Variants in PRELID2 observed in about 807,000 individuals in gnomAD.
PRELID2 encodes the protein PRELI domain containing 2, also known as PRELI domain-containing protein 2.
A neutral mutation model predicts 28.4 loss-of-function variants in PRELID2; 25 were observed. That is an observed-to-expected ratio of 0.88 (90% CI 0.64 to 1.23). The LOEUF is 1.23. Among genes scored for constraint, PRELID2 ranks in the 50% most tolerant of loss-of-function variants. The pLI is 0.00. For synonymous variants in PRELID2, 76 were observed against 71.6 expected (o/e 1.06, Z -0.31); for missense variants, 201 against 214.4 (o/e 0.94, Z 0.39).
intron 1 of PRELID2, among the ~76,000 whole-genome samples, chr5:145,719,124 C>G (rs1468219346): frequency 1.3e-5 from 2 of 151,854 alleles, no homozygotes; most frequent in Non-Finnish European, 2.9e-5. Context: ...GAGACACAAA[C>G]CTTCAGGATA....
chr5:145,676,522 G>T (rs1348881011), intron 1 of PRELID2, among the ~76,000 whole-genome samples: 1 of 152,214 alleles, frequency 6.6e-6, no homozygotes, highest in East Asian at 1.9e-4. Context: ...CTGGGCAACA[G>T]AGGGAGACTC....
At chr5:145,817,220 A>AAAT (rs1554099385) in intron 4 of PRELID2, among the ~76,000 whole-genome samples, 1 of 66,512 alleles carries the variant, frequency 1.5e-5, no homozygotes, top group African/African-American at 4.1e-5. Flanking sequence ...AATAAAAAAA[A>AAAT]ATATATATAT....
At chr5:145,308,599 T>C in the PRELID2 span, among the ~76,000 whole-genome samples, 2 of 152,040 alleles carry the variant, frequency 1.3e-5, no homozygotes, top group African/African-American at 4.8e-5. Flanking sequence ...GTGCAGATAT[T>C]TTTAATTTAG....
At chr5:145,362,527 A>G in the PRELID2 span, among the ~76,000 whole-genome samples, 1 of 152,128 alleles carries the variant, frequency 6.6e-6, no homozygotes, top group South Asian at 2.1e-4. Flanking sequence ...TTGCTAGATC[A>G]TGGCCCAGAA....
At chr5:145,817,198 A>AAAAAAAAAAAT (rs1365517052) in intron 4 of PRELID2, among the ~76,000 whole-genome samples, 3 of 70,082 alleles carry the variant, frequency 4.3e-5, no homozygotes, top group African/African-American at 1.3e-4. Flanking sequence ...TTCAAAAAAA[A>AAAAAAAAAAAT]ATAAATAAAT....
chr5:145,539,521 C>T (rs1210477564), intron 1 of PRELID2, among the ~76,000 whole-genome samples: 1 of 151,908 alleles, frequency 6.6e-6, no homozygotes, highest in Non-Finnish European at 1.5e-5. Flanking sequence ...TACACTATCT[C>T]ACCCTGTTTT....
the PRELID2 span, among the ~76,000 whole-genome samples, chr5:145,397,259 A>G: frequency 6.6e-6 from 1 of 152,148 alleles, no homozygotes; most frequent in Non-Finnish European, 1.5e-5. Context: ...CAGACATTTC[A>G]GGTAGAATTA....
At chr5:145,669,346 C>T (rs1445949386) in intron 1 of PRELID2, among the ~76,000 whole-genome samples, 2 of 152,020 alleles carry the variant, frequency 1.3e-5, no homozygotes, top group Admixed American at 1.3e-4. Flanking sequence ...AGTAGGTGTT[C>T]TTAATTAGTG....
chr5:145,616,350 T>C (rs1015978871), intron 1 of PRELID2, among the ~76,000 whole-genome samples: 4 of 152,298 alleles, frequency 2.6e-5, no homozygotes, highest in African/African-American at 4.8e-5. Context: ...AACTTTTAGA[T>C]TGCTCTTCTG....
the PRELID2 span, among the ~76,000 whole-genome samples, chr5:145,268,581 G>A: frequency 6.6e-6 from 1 of 152,056 alleles, no homozygotes; most frequent in Non-Finnish European, 1.5e-5. Flanking sequence ...CTTCTTTCTT[G>A]TGGAGGAGGG....
At chr5:145,365,282 C>CA in the PRELID2 span, among the ~76,000 whole-genome samples, 55 of 151,824 alleles carry the variant, frequency 3.6e-4, no homozygotes, top group Middle Eastern at 3.4e-3. Flanking sequence ...TTTTTCACCA[C>CA]AAAAAAGATA....
the PRELID2 span, among the ~76,000 whole-genome samples, chr5:145,452,030 G>C: frequency 6.6e-6 from 1 of 152,140 alleles, no homozygotes; most frequent in Admixed American, 6.6e-5. Flanking sequence ...GCAGTTTTCT[G>C]AGTGTCCAAT....
intron 1 of PRELID2, among the ~76,000 whole-genome samples, chr5:145,659,236 G>A (rs962761784): frequency 6.6e-6 from 1 of 152,266 alleles, no homozygotes; most frequent in Non-Finnish European, 1.5e-5. Flanking sequence ...AATAGCCCAG[G>A]CACTGGGGCA....
chr5:145,716,529 A>G (rs1475375252), intron 1 of PRELID2, among the ~76,000 whole-genome samples: 1 of 152,172 alleles, frequency 6.6e-6, no homozygotes, highest in African/African-American at 2.4e-5. Context: ...CTGTTATAAC[A>G]TTAAAGACAT....
chr5:145,707,121 T>C (rs772044146), intron 1 of PRELID2, among the ~76,000 whole-genome samples: 1 of 152,220 alleles, frequency 6.6e-6, no homozygotes, highest in Non-Finnish European at 1.5e-5. Flanking sequence ...TGTGATACGA[T>C]TATTTTTCTT....
chr5:145,340,143 C>G, the PRELID2 span, among the ~76,000 whole-genome samples: 1,102 of 152,228 alleles, frequency 7.2e-3, 12 homozygotes, highest in African/African-American at 0.025. Flanking sequence ...GTCCCATCCC[C>G]CAAATACTCG....
chr5:145,472,782 A>G (rs1181547370), intron 2 of PRELID2, among the ~76,000 whole-genome samples: 1 of 152,162 alleles, frequency 6.6e-6, no homozygotes, highest in Non-Finnish European at 1.5e-5. Flanking sequence ...ATAAGAACCC[A>G]GGTGTAAATC....
intron 1 of PRELID2, among the ~76,000 whole-genome samples, chr5:145,491,010 T>A (rs886445574): frequency 1.3e-5 from 2 of 151,944 alleles, no homozygotes; most frequent in African/African-American, 4.8e-5. Flanking sequence ...AAACTTCTTC[T>A]GTATCTCCTA....
the PRELID2 span, among the ~76,000 whole-genome samples, chr5:145,461,538 G>C: frequency 2.6e-5 from 4 of 152,284 alleles, no homozygotes; most frequent in Middle Eastern, 3.4e-3. Flanking sequence ...TCCTGACCTT[G>C]TGATCTGCCC....
Sources: allele counts gnomAD v4.1 joint callset (sites outside exome capture counted in the v4.1 genomes callset), GRCh38; gene constraint gnomAD v4.1.1; transcripts MANE v1.5; gene names NCBI Gene and HGNC (gene_info 2026-07-23, HGNC 2026-07-21).